C16orf96: variants seen among roughly 807,000 people sequenced by gnomAD.
C16orf96 encodes the protein chromosome 16 open reading frame 96, also known as uncharacterized protein C16orf96.
Under a neutral mutation model 103.6 loss-of-function variants are expected in C16orf96, and 108 were observed. That is an observed-to-expected ratio of 1.04 (90% CI 0.89 to 1.22). The LOEUF is 1.22. Ranked by LOEUF, C16orf96 falls within the 50% of genes most tolerant of loss-of-function variation. C16orf96 has a pLI of 0.00. For missense variants in C16orf96, 1,586 were observed against 1,464.2 expected (o/e 1.08, Z -1.36); for synonymous variants, 566 against 593.5 (o/e 0.95, Z 0.67).
upstream of C16orf96, among the ~76,000 whole-genome samples, chr16:4,552,862 C>G (rs1441175455): frequency 6.6e-6 from 1 of 152,082 alleles, no homozygotes; most frequent in African/African-American, 2.4e-5. Flanking sequence ...CTAAATTATT[C>G]TAAAAGAAAC....
chr16:4,597,966 A>G (rs191399947), intron 14 of C16orf96, among the ~76,000 whole-genome samples: 55 of 152,352 alleles, frequency 3.6e-4, no homozygotes, highest in Admixed American at 9.1e-4. Context: ...GACCTTCTGT[A>G]TTAGAAATCA....
At chr16:4,597,978 T>C (rs1897208513) in intron 14 of C16orf96, among the ~76,000 whole-genome samples, 1 of 152,222 alleles carries the variant, frequency 6.6e-6, no homozygotes, top group Non-Finnish European at 1.5e-5. Context: ...TAGAAATCAA[T>C]TGGAAACCTG....
upstream of C16orf96, among the ~76,000 whole-genome samples, chr16:4,555,987 C>G (rs1480723767): frequency 2.0e-5 from 3 of 152,042 alleles, no homozygotes; most frequent in Non-Finnish European, 4.4e-5. Flanking sequence ...GGCCTGAACC[C>G]CCACACCCAC....
At position 4,591,667 on chromosome 16, in the gene C16orf96, T is replaced by C. The variant is rs1263327680; in HGVS notation, c.2594T>C (p.Leu865Ser). The change falls in exon 10 of 16, where the codon TTA becomes TCA. Residue 865 changes from leucine (L) to serine (S), a missense_variant and splice_region_variant. Coordinates refer to ENST00000444310, the MANE Select transcript of C16orf96 (RefSeq NM_001145011.2). ...TATCTTCCCCTTGGCTGTTGGCAGTTAGTCCACAGTGATCTGGATCCCTTG... is the reference window on the plus strand; with the variant it reads ...TATCTTCCCCTTGGCTGTTGGCAGTCAGTCCACAGTGATCTGGATCCCTTG... The part of the protein sequence containing the change: ...EELSKDVNTK[L>S]VHSDLDPLKK... The C allele has an allele frequency of 6.5e-7, 1 of 1,549,956 alleles. No homozygotes were observed. Among genetic ancestry groups the C allele is most frequent in the South Asian group, 1.2e-5 (1 of 84,004 alleles).
At chr16:4,573,769 A>G (rs1012264565) in intron 2 of C16orf96, among the ~76,000 whole-genome samples, 2 of 148,672 alleles carry the variant, frequency 1.3e-5, no homozygotes, top group African/African-American at 4.9e-5. Context: ...AAAAAAAAAG[A>G]AAAAAGAAAA....
At chr16:4,571,028 C>CAA (rs968744079) in intron 1 of C16orf96, among the ~76,000 whole-genome samples, 1 of 151,776 alleles carries the variant, frequency 6.6e-6, no homozygotes, top group East Asian at 1.9e-4. Context: ...AAAACAAAAA[C>CAA]AAAAAAAATT....
rs756364353 is a variant in C16orf96 at position 4,599,298 on chromosome 16, T to C, written c.3142T>C (p.Ser1048Pro). The C allele has an allele frequency of 3.2e-5, 50 of 1,551,436 alleles. No individual in the cohort carries two copies. Among genetic ancestry groups the C allele is most frequent in the Non-Finnish European group, 3.7e-5 (43 of 1,146,936 alleles). ...TTTCTGCTAAGCTGTGAAGGCTCCA[T>C]CTCCCCCGTCACAAAGCCTGTATGA... ...AKELAAVKAP[S>P]PPSQSLYDRV... Residue 1048 changes from serine (S) to proline (P), a missense_variant, in exon 15 of 16, where the codon TCT (serine) becomes CCT (proline). Coordinates refer to ENST00000444310, the MANE Select transcript of C16orf96 (RefSeq NM_001145011.2).
chr16:4,549,975 C>T, the C16orf96 span, among the ~76,000 whole-genome samples: 1 of 152,068 alleles, frequency 6.6e-6, no homozygotes, highest in African/African-American at 2.4e-5. Flanking sequence ...TTTTCTTTAT[C>T]AATTACCCAG....
chr16:4,594,074 CTT>C (rs1897117501), intron 12 of C16orf96, among the ~76,000 whole-genome samples: 1 of 152,144 alleles, frequency 6.6e-6, no homozygotes. Context: ...TCCCTGGCTC[CTT>C]GAGATCAAGA....
At chr16:4,573,406 TC>T (rs2059461095) in intron 2 of C16orf96, among the ~76,000 whole-genome samples, 1 of 124,058 alleles carries the variant, frequency 8.1e-6, no homozygotes, top group Admixed American at 1.0e-4. Context: ...GCCACTGCAC[TC>T]CAGCCTGGGT....
intron 1 of C16orf96, among the ~76,000 whole-genome samples, chr16:4,558,644 G>A (rs892826942): frequency 6.7e-6 from 1 of 149,824 alleles, no homozygotes; most frequent in Non-Finnish European, 1.5e-5. Context: ...GCCAGGCACA[G>A]TGGCGCACAC....
intron 14 of C16orf96, among the ~76,000 whole-genome samples, chr16:4,596,846 G>A (rs756961008): frequency 1.5e-4 from 23 of 152,312 alleles, no homozygotes; most frequent in Non-Finnish European, 2.4e-4. Flanking sequence ...CTTGAGGAGG[G>A]TCCCTCCCTG....
At position 4,592,368 on chromosome 16, in the gene C16orf96, G is replaced by A. The variant is rs201096343; in HGVS notation, c.2774+1G>A. ...GGCCTGTGGAGATGATGACTGGCCC[G>A]TGAGTACCACCGCCCAGGGTGCCCC... On this transcript the variant is annotated splice_donor_variant, in intron 11 of 15. Transcript: ENST00000444310. LOFTEE classifies it high-confidence loss of function. The A allele has an allele frequency of 2.9e-4, 457 of 1,551,474 alleles. 1 individual carries two copies. Among genetic ancestry groups the A allele is most frequent in the Non-Finnish European group, 3.7e-4 (430 of 1,146,992 alleles).
At chr16:4,551,413 C>T (rs1445784505), upstream of C16orf96, among the ~76,000 whole-genome samples, 2 of 152,200 alleles carry the variant, frequency 1.3e-5, no homozygotes, top group African/African-American at 4.8e-5. Flanking sequence ...CGCCTCACCT[C>T]CAACACCTAA....
At chr16:4,585,291 CAAAAAA>C (rs1555506767) in intron 7 of C16orf96, among the ~76,000 whole-genome samples, 2 of 17,170 alleles carry the variant, frequency 1.2e-4, no homozygotes, top group Non-Finnish European at 2.8e-4. Flanking sequence ...CCTGTCTCTA[CAAAAAA>C]AAAAAAAAAA....
chr16:4,599,348 TG>T lies in C16orf96; in HGVS notation c.3194del (p.Gly1065AlafsTer22), dbSNP rs745912070. On this transcript the variant is annotated frameshift_variant, in exon 15 of 16. Transcript: ENST00000444310. LOFTEE classifies it low-confidence loss of function (END_TRUNC). ...YDRVHSSALF[G>X]AICPPLCPRS... is the part of the protein sequence containing the mutation. ...ACCGTGTGCACTCCAGTGCCCTATTTGGCGCCATCTGCCCCCGTGAGTACCT... is the reference window on the plus strand; with the variant it reads ...ACCGTGTGCACTCCAGTGCCCTATTTGCGCCATCTGCCCCCGTGAGTACCT... The T allele has an allele frequency of 6.4e-7, 1 of 1,551,642 alleles. No individual in the cohort carries two copies. Among genetic ancestry groups the T allele is most frequent in the Non-Finnish European group, 8.7e-7 (1 of 1,146,928 alleles).
At chr16:4,589,823 T>G (rs1321289040) in intron 9 of C16orf96, among the ~76,000 whole-genome samples, 4 of 152,034 alleles carry the variant, frequency 2.6e-5, no homozygotes, top group Non-Finnish European at 5.9e-5. Flanking sequence ...TTTCTGTAAC[T>G]TAAAAAAAAT....
At chr16:4,579,122 G>C (rs979296799) in intron 6 of C16orf96, 97 bp downstream of exon 6, 1 of 1,106,432 alleles carries the variant, frequency 9.0e-7, no homozygotes, top group Non-Finnish European at 1.3e-6. Flanking sequence ...GTGCAGCTGT[G>C]TTCTGCAGCA....
At chr16:4,545,521 A>G in the C16orf96 span, among the ~76,000 whole-genome samples, 1 of 152,122 alleles carries the variant, frequency 6.6e-6, no homozygotes, top group Non-Finnish European at 1.5e-5. Context: ...ATTCTGTTAA[A>G]TTGATTTAGC....
Sources: allele counts gnomAD v4.1 joint callset (sites outside exome capture counted in the v4.1 genomes callset), GRCh38; gene constraint gnomAD v4.1.1; transcripts MANE v1.5; gene names NCBI Gene and HGNC (gene_info 2026-07-23, HGNC 2026-07-21).